Variants in SORCS2 observed in about 807,000 individuals in gnomAD.
SORCS2 encodes the protein VPS10 domain-containing receptor SorCS2.
A neutral mutation model predicts 141.6 loss-of-function variants in SORCS2; 100 were observed. The observed-to-expected ratio is 0.71, with a 90% confidence interval of 0.60 to 0.83. The LOEUF (loss-of-function observed/expected upper bound fraction) is 0.83. Among genes scored for constraint, SORCS2 ranks in the 40% least tolerant of loss-of-function variants. The pLI, the probability that SORCS2 is intolerant of heterozygous loss-of-function variation, is 0.00. For missense variants in SORCS2, 1,646 were observed against 1,560.2 expected, an observed-to-expected ratio of 1.05 and a Z score of -0.93; for synonymous variants, 789 against 676.9, an observed-to-expected ratio of 1.17 and a Z score of -2.57.
At chr4:7,255,496 T>A (rs1713794978) in intron 1 of SORCS2, among the ~76,000 whole-genome samples, 1 of 152,012 alleles carries the variant, frequency 6.6e-6, no homozygotes, top group Admixed American at 6.6e-5. Context: ...GGGAGGCGGC[T>A]GTGATGGGGG....
At chr4:7,471,442 G>A (rs1729970886) in intron 2 of SORCS2, among the ~76,000 whole-genome samples, 2 of 152,336 alleles carry the variant, frequency 1.3e-5, no homozygotes, top group South Asian at 4.1e-4. Context: ...GGCTGTCCAG[G>A]CCCTAATTTG....
chr4:7,701,687 G>A (rs1161328315), intron 12 of SORCS2, among the ~76,000 whole-genome samples: 1 of 152,204 alleles, frequency 6.6e-6, no homozygotes, highest in Non-Finnish European at 1.5e-5. Context: ...ACCCAGGTCT[G>A]CTGGGGTTCA....
At chr4:7,365,641 C>T (rs1463646412) in intron 1 of SORCS2, among the ~76,000 whole-genome samples, 4 of 152,190 alleles carry the variant, frequency 2.6e-5, no homozygotes, top group African/African-American at 7.2e-5. Flanking sequence ...CCCGCCTGCC[C>T]GCCCAACAGC....
At position 7,733,331 on chromosome 4, in the gene SORCS2, G is replaced by T. The variant is rs202079981; in HGVS notation, c.3118G>T (p.Ala1040Ser). The T allele has an allele frequency of 1.3e-6, 2 of 1,545,406 alleles. No homozygotes were observed. Among genetic ancestry groups the T allele is most frequent in the East Asian group, 4.9e-5 (2 of 40,888 alleles). The stretch of plus-strand genomic sequence containing the variant: ...CCCTCTGTGCTTGCAGAGGCTCGCC[G>T]CCATCCAGCAGGTGCTGAACGCACA... The part of the protein sequence containing the change: ...RSLSSDKRLA[A>S]IQQVLNAQKI... Residue 1040 changes from alanine to serine, a missense_variant, in exon 24 of 27, where the codon GCC becomes TCC. By Grantham distance (99) the Ala-to-Ser change is moderately conservative. Coordinates refer to ENST00000507866, the MANE Select transcript of SORCS2 (RefSeq NM_020777.3).
At chr4:7,545,140 A>C (rs1713152531) in intron 3 of SORCS2, among the ~76,000 whole-genome samples, 2 of 26,028 alleles carry the variant, frequency 7.7e-5, no homozygotes, top group African/African-American at 1.6e-4. Flanking sequence ...AGAGGAGGGA[A>C]AAGAAAAAAA....
chr4:7,643,615 GTATCTT>G (rs759156980), intron 4 of SORCS2, among the ~76,000 whole-genome samples: 6 of 152,108 alleles, frequency 3.9e-5, no homozygotes, highest in Non-Finnish European at 8.8e-5. Context: ...GGATCAGAAT[GTATCTT>G]TAATTTGTAA....
At chr4:7,657,427 A>G (rs575748181) in intron 5 of SORCS2, among the ~76,000 whole-genome samples, 1 of 152,284 alleles carries the variant, frequency 6.6e-6, no homozygotes, top group African/African-American at 2.4e-5. Flanking sequence ...GGAATGAACG[A>G]GTGAATGACT....
chr4:7,385,731 C>T (rs1001645352), intron 1 of SORCS2, among the ~76,000 whole-genome samples: 2 of 152,212 alleles, frequency 1.3e-5, no homozygotes, highest in African/African-American at 4.8e-5. Flanking sequence ...GCTCCAGGCT[C>T]CTGCCTCGGG....
At chr4:7,552,278 G>A (rs973950110) in intron 3 of SORCS2, among the ~76,000 whole-genome samples, 3 of 152,122 alleles carry the variant, frequency 2.0e-5, no homozygotes, top group Admixed American at 6.5e-5. Context: ...TGAACTCAGC[G>A]TTGACTATTT....
chr4:7,679,734 A>G (rs917546911), intron 9 of SORCS2, among the ~76,000 whole-genome samples: 2 of 145,226 alleles, frequency 1.4e-5, no homozygotes, highest in African/African-American at 5.1e-5. Context: ...GTCTGAAGCC[A>G]CACAACTTGT....
Position 7,435,080 on chromosome 4 carries a change from C to G in SORCS2, c.548+38725C>G. 6 of 594,342 alleles carry G rather than the reference C, an allele frequency of 1.0e-5. No homozygotes were observed. In the Admixed American group the frequency reaches 2.0e-4, roughly 20 times the overall value. 36.8% of individuals were successfully genotyped at this position (594,342 alleles called of 1,614,324 possible). A position where few individuals can be genotyped will look rare whatever the true frequency, so the allele number is the denominator to read the frequency against. ...GAGTGCCTGGAACACTATCCCTCCC[C>G]TCTTTTCCCCTGGATAAGATAAACT... On this transcript the variant is annotated intron_variant, in intron 2 of 26. Transcript: ENST00000507866.
chr4:7,687,924 G>C (rs1723977138), intron 10 of SORCS2, among the ~76,000 whole-genome samples: 1 of 152,248 alleles, frequency 6.6e-6, no homozygotes, highest in South Asian at 2.1e-4. Context: ...TCCGTTCCTG[G>C]CTCTGTAGAT....
chr4:7,524,839 A>G (rs1325382950), intron 2 of SORCS2, among the ~76,000 whole-genome samples: 1 of 152,034 alleles, frequency 6.6e-6, no homozygotes, highest in Non-Finnish European at 1.5e-5. Flanking sequence ...CCACGATCCA[A>G]GAGTCTGAAC....
chr4:7,519,420 T>C (rs1234561279), intron 2 of SORCS2, among the ~76,000 whole-genome samples: 1 of 152,192 alleles, frequency 6.6e-6, no homozygotes, highest in African/African-American at 2.4e-5. Context: ...AAATAGAGTC[T>C]CGTTTCATCC....
chr4:7,417,586 C>T (rs899403340), intron 2 of SORCS2, among the ~76,000 whole-genome samples: 5 of 152,126 alleles, frequency 3.3e-5, no homozygotes, highest in African/African-American at 7.2e-5. Flanking sequence ...ACCTTTAAAA[C>T]GGGTCTGCTG....
At chr4:7,617,883 C>G (rs1008108171) in intron 3 of SORCS2, among the ~76,000 whole-genome samples, 1 of 152,140 alleles carries the variant, frequency 6.6e-6, no homozygotes, top group African/African-American at 2.4e-5. Flanking sequence ...GCCGCCCCAG[C>G]TCTGCCTCAC....
At chr4:7,564,744 C>T (rs1186246473) in intron 3 of SORCS2, among the ~76,000 whole-genome samples, 1 of 152,234 alleles carries the variant, frequency 6.6e-6, no homozygotes, top group Non-Finnish European at 1.5e-5. Context: ...AGCACAAAAG[C>T]TCTACAGAAG....
intron 3 of SORCS2, among the ~76,000 whole-genome samples, chr4:7,636,370 G>A (rs1720257332): frequency 1.3e-5 from 2 of 152,210 alleles, no homozygotes; most frequent in Non-Finnish European, 2.9e-5. Context: ...GTCGAATGAG[G>A]GAATGAATGA....
intron 3 of SORCS2, among the ~76,000 whole-genome samples, chr4:7,637,461 G>T (rs981005189): frequency 6.6e-6 from 1 of 152,196 alleles, no homozygotes; most frequent in African/African-American, 2.4e-5. Context: ...CAGGGTCTTT[G>T]AGCGCTCACC....
Sources: gnomAD v4.1 joint callset for allele counts (sites outside exome capture counted in the v4.1 genomes callset) on GRCh38, gnomAD v4.1.1 for gene constraint, MANE v1.5 for transcripts, NCBI Gene and HGNC (gene_info 2026-07-23, HGNC 2026-07-21) for gene names.